The following KIF13A variants were observed in gnomAD, a reference collection of about 807,000 sequenced individuals.
KIF13A encodes the protein kinesin family member 13A.
KIF13A carries 79 observed loss-of-function variants against 212.2 expected under a neutral mutation model. The observed-to-expected ratio is 0.37, with a 90% CI of 0.31 to 0.45. The LOEUF is 0.45. KIF13A is among the 20% of genes least tolerant of loss of function. KIF13A has a pLI of 1.00. For missense variants in KIF13A, 1,901 were observed against 2,209.0 expected, an observed-to-expected ratio of 0.86 and a Z score of 2.79; for synonymous variants, 789 against 808.6, an observed-to-expected ratio of 0.98 and a Z score of 0.41.
At position 17,831,235 on chromosome 6, in the gene KIF13A, C is replaced by T; in HGVS notation, c.1267G>A (p.Glu423Lys). 6.2e-7 allele frequency: 1 copy of T among 1,608,236 alleles called. No individual in the cohort carries two copies. The highest frequency in any genetic ancestry group is 8.5e-7 in the Non-Finnish European group (1 of 1,178,346). ...ATGCTTTCAAGTTGTCGTTGTCTTT[C>T]CTGTGCACAAAAACAGACAAAAGAA... Reference protein sequence around the residue: ...KLRKTEEIAQERQRQLESMGI... With the variant: ...KLRKTEEIAQKRQRQLESMGI... The change falls in exon 13 of 39, where the codon GAA (glutamate) becomes AAA (lysine). Residue 423 changes from glutamate to lysine, a missense_variant and splice_region_variant. Transcript: ENST00000259711.
rs766003104 is a variant in KIF13A, at chr6:17,825,604, C to A, written c.1786+164G>T. Among the ~76,000 whole-genome samples, 5 of 152,174 alleles carry A rather than the reference C, an allele frequency of 3.3e-5. No homozygotes were observed. The highest frequency in any genetic ancestry group is 7.3e-5 in the Non-Finnish European group (5 of 68,028). On this transcript the variant is annotated intron_variant, in intron 16 of 38. Transcript: ENST00000259711. This position sits in a 1 kb window ranked among gnomAD's most constrained non-coding sequence, Gnocchi z 4.5. ...CTGAGGGAGAAGACCATCTCCCCCA[C>A]ATCTTGTCATTAGTTATTCACTGAT...
chr6:17,924,723 C>T (rs1298588273), intron 2 of KIF13A, among the ~76,000 whole-genome samples: 1 of 152,032 alleles, frequency 6.6e-6, no homozygotes, highest in African/African-American at 2.4e-5. Flanking sequence ...TGAGAAGGGG[C>T]AAGACAGAGA....
intron 17 of KIF13A, among the ~76,000 whole-genome samples, chr6:17,810,886 C>T (rs1443113413): frequency 1.3e-5 from 2 of 152,210 alleles, no homozygotes; most frequent in African/African-American, 2.4e-5. Context: ...GCTGTAGACA[C>T]AGATGAAGCT....
rs996924043 is a variant in KIF13A, at chr6:17,849,607, T to C, written c.718-118A>G. The stretch of plus-strand genomic sequence containing the variant: ...ATCCCACTCTCATATGGCAAATTTC[T>C]TAAGTTTTTAAACGGTCAGAAGAGT... On this transcript the variant is annotated intron_variant, in intron 8 of 38. Transcript: ENST00000259711. This position sits in a 1 kb window ranked among gnomAD's most constrained non-coding sequence, Gnocchi z 5.7. The C allele has an allele frequency of 3.3e-6, 2 of 612,528 alleles. No homozygotes were observed. The highest frequency in any genetic ancestry group is 5.6e-6 in the Non-Finnish European group (2 of 360,178). 37.9% of individuals were successfully genotyped at this position (612,528 alleles called of 1,614,324 possible). A position where few individuals can be genotyped will look rare whatever the true frequency, so the allele number is the denominator to read the frequency against.
chr6:17,985,340 T>A (rs957431931), intron 2 of KIF13A, among the ~76,000 whole-genome samples: 6 of 152,150 alleles, frequency 3.9e-5, no homozygotes, highest in African/African-American at 1.4e-4. Context: ...GCCCGAAAAA[T>A]GATCAACTGA....
Position 17,914,185 on chromosome 6 carries a change from C to A in KIF13A, c.147-16005G>T, listed in dbSNP as rs1284714834. On this transcript the variant is annotated intron_variant, in intron 2 of 38. Transcript: ENST00000259711. This position sits in a 1 kb window ranked among gnomAD's most constrained non-coding sequence, Gnocchi z 5.9. ...CAGGTTAGAAGGCAAATCTCAAGTA[C>A]CCATTACTAAATGCCAGAATAAGTG... 6.6e-6 allele frequency among the ~76,000 whole-genome samples: 1 copy of A among 152,198 alleles called. No homozygotes were observed. The highest frequency in any genetic ancestry group is 1.5e-5 in the Non-Finnish European group (1 of 68,030).
At chr6:17,800,530 G>C (rs911449043) in intron 20 of KIF13A, among the ~76,000 whole-genome samples, 1 of 151,554 alleles carries the variant, frequency 6.6e-6, no homozygotes, top group Non-Finnish European at 1.5e-5. Flanking sequence ...TCTGCCTCCT[G>C]AGTTCAAGCG....
rs1402819001 is a variant in KIF13A at position 17,850,547 on chromosome 6, T to C, written c.583-90A>G. On this transcript the variant is annotated intron_variant, in intron 7 of 38. Transcript: ENST00000259711. The surrounding 1 kb of genome is among the most constrained non-coding windows in gnomAD (Gnocchi z 6.2). The stretch of plus-strand genomic sequence containing the variant: ...GTATATGTATTAATTATGATTCCTC[T>C]GATGCCTTTGTCACCACCCTTCCAT... 2.3e-6 allele frequency: 3 copies of C among 1,303,584 alleles called. No individual in the cohort carries two copies. The highest frequency in any genetic ancestry group is 3.1e-6 in the Non-Finnish European group (3 of 973,800). 80.8% of individuals were successfully genotyped at this position (1,303,584 alleles called of 1,614,324 possible).
intron 2 of KIF13A, among the ~76,000 whole-genome samples, chr6:17,978,576 TTC>T (rs1261089231): frequency 6.6e-6 from 1 of 152,254 alleles, no homozygotes; most frequent in African/African-American, 2.4e-5. Flanking sequence ...TTCTCTGCTA[TTC>T]TGTTTCCTTT....
chr6:17,789,692 C>T lies in KIF13A; in HGVS notation c.3261+180G>A, dbSNP rs1474150917. On this transcript the variant is annotated intron_variant, in intron 26 of 38. Transcript: ENST00000259711. The surrounding 1 kb of genome is among the most constrained non-coding windows in gnomAD (Gnocchi z 4.8). The stretch of plus-strand genomic sequence containing the variant: ...TATTTAGTTATAAATTTTGAACTGA[C>T]AAGGCATCTATAGAAATAATATTGT... Among the ~76,000 whole-genome samples the T allele has an allele frequency of 6.6e-6, 1 of 152,102 alleles. No individual in the cohort carries two copies. The highest frequency in any genetic ancestry group is 2.4e-5 in the African/African-American group (1 of 41,418).
At chr6:17,830,656 T>C (rs367955538) in intron 13 of KIF13A, among the ~76,000 whole-genome samples, 11 of 152,142 alleles carry the variant, frequency 7.2e-5, no homozygotes, top group South Asian at 2.1e-4. Context: ...TAGAAGAACA[T>C]TGTTGTCTAT....
intron 22 of KIF13A, among the ~76,000 whole-genome samples, chr6:17,797,984 G>A (rs770215913): frequency 1.8e-4 from 27 of 152,244 alleles, no homozygotes; most frequent in Non-Finnish European, 2.4e-4. Context: ...CCAGAAAAAC[G>A]AAGTAGGCAA....
intron 2 of KIF13A, among the ~76,000 whole-genome samples, chr6:17,969,055 T>C (rs942519475): frequency 6.6e-6 from 1 of 152,220 alleles, no homozygotes; most frequent in Non-Finnish European, 1.5e-5. Context: ...TCTGGGTGTA[T>C]AGCTCTGGCA....
chr6:17,897,461 T>C lies in KIF13A; in HGVS notation c.159+707A>G, dbSNP rs1189289149. Among the ~76,000 whole-genome samples, 1 of 152,144 alleles carries C rather than the reference T, an allele frequency of 6.6e-6. No individual in the cohort carries two copies. The highest frequency in any genetic ancestry group is 1.9e-4 in the East Asian group (1 of 5,192). ...TGGTAACAAAATCAATCTTCAGTTA[T>C]TCAGGGGCTGGTCATTCAGATTCCT... On this transcript the variant is annotated intron_variant, in intron 3 of 38. Transcript: ENST00000259711. This position sits in a 1 kb window ranked among gnomAD's most constrained non-coding sequence, Gnocchi z 4.8.
chr6:17,764,166 C>G lies in KIF13A; in HGVS notation c.5362G>C (p.Glu1788Gln). 1 of 1,614,016 alleles carries G rather than the reference C, an allele frequency of 6.2e-7. No homozygotes were observed. The highest frequency in any genetic ancestry group is 8.5e-7 in the Non-Finnish European group (1 of 1,179,900). The change falls in exon 39 of 39, where the codon GAG (glutamate) becomes CAG (glutamine). Residue 1788 changes from glutamate (E) to glutamine (Q), a missense_variant. Glu to Gln is a conservative substitution (Grantham distance 29). Transcript: ENST00000259711. The surrounding 1 kb of genome is among the most constrained non-coding windows in gnomAD (Gnocchi z 5.1). Reference sequence around the variant, plus strand: ...TCTGGAATTATTACCTGGTCATTCTCTAACTTGGAATGCAGCTGGCTGGGG... The same window carrying G: ...TCTGGAATTATTACCTGGTCATTCTGTAACTTGGAATGCAGCTGGCTGGGG... ...HHPSQLHSKL[E>Q]NDQVIIPEAA...
chr6:17,836,627 C>T (rs1442482999), intron 11 of KIF13A, among the ~76,000 whole-genome samples: 2 of 152,112 alleles, frequency 1.3e-5, no homozygotes, highest in African/African-American at 2.4e-5. Context: ...TTAATTGGCT[C>T]ATGGTTCCAC....
chr6:17,852,188 T>C (rs1767717100), intron 6 of KIF13A, 146 bp from the exon 7 acceptor site: 1 of 443,280 alleles, frequency 2.3e-6, no homozygotes, highest in Non-Finnish European at 4.0e-6. Flanking sequence ...GCTACTTTAT[T>C]TGGATTAGCA....
chr6:17,858,186 A>G (rs1768348646), intron 4 of KIF13A, among the ~76,000 whole-genome samples: 1 of 151,956 alleles, frequency 6.6e-6, no homozygotes, highest in Non-Finnish European at 1.5e-5. Context: ...AATGGATTGG[A>G]AAAAATATAC....
chr6:17,868,989 C>CAAAAA (rs71002278), intron 4 of KIF13A, among the ~76,000 whole-genome samples: 30 of 20,928 alleles, frequency 1.4e-3, no homozygotes, highest in African/African-American at 3.0e-3. Context: ...GACTCCCTCT[C>CAAAAA]AAAAAAAAAA....
Sources: gnomAD v4.1 joint callset for allele counts (sites outside exome capture counted in the v4.1 genomes callset) on GRCh38, gnomAD v4.1.1 for gene constraint, Gnocchi (gnomAD v3.1) non-coding constraint, MANE v1.5 for transcripts, NCBI Gene and HGNC (gene_info 2026-07-23, HGNC 2026-07-21) for gene names.